Variants in PPP1R35 observed in about 807,000 individuals in gnomAD.
The protein encoded by PPP1R35 is UPF0683 protein C7orf47.
In PPP1R35, 23 loss-of-function variants were observed where a neutral mutation model predicts 22.2. The ratio of observed to expected loss-of-function variants is 1.04; its 90% CI spans 0.75 to 1.47. The LOEUF (loss-of-function observed/expected upper bound fraction) is 1.47, where lower values mean the gene tolerates loss of function less well. Ranked by LOEUF, PPP1R35 falls within the 40% of genes most tolerant of loss-of-function variation. The probability of loss-of-function intolerance (pLI) is 0.00; values close to 1 mark genes in which losing one functional copy is unlikely to be tolerated. For synonymous variants in PPP1R35, 198 were observed against 165.7 expected (o/e 1.19, Z -1.50); for missense variants, 409 against 349.6 (o/e 1.17, Z -1.36).
At position 100,435,362 on chromosome 7, in the gene PPP1R35, A is replaced by C. The variant is rs1798839768; in HGVS notation, c.760T>G (p.Ter254GluextTer20). The C allele has an allele frequency of 6.3e-7, 1 of 1,594,982 alleles. No individual in the cohort carries two copies. Among genetic ancestry groups the C allele is most frequent in the African/African-American group, 1.4e-5 (1 of 73,538 alleles). Residue 254 changes from the stop codon to glutamate (E), a stop_lost, in exon 4 of 4, where the codon TAG becomes GAG. Coordinates refer to ENST00000292330, the MANE Select transcript of PPP1R35 (RefSeq NM_145030.4). ...AGCCCTCCAGGGATCTTTGGGGTCT[A>C]CGCTTCCCATCGCCTCAGTGTCCGG... ...MHRTLRRWEA[*>E]
chr7:100,435,919 G>C lies in PPP1R35; in HGVS notation c.380C>G (p.Ala127Gly), dbSNP rs371390877. ...RAAAGSHFDA[A>G]KAVEEQLRKS... The stretch of plus-strand genomic sequence containing the variant: ...TCTCAGCTGTTCCTCCACGGCCTTC[G>C]CAGCATCAAAGTGGCTCCCGGCTGC... Residue 127 changes from alanine to glycine, a missense_variant, in exon 2 of 4, where the codon GCG becomes GGG. Transcript: ENST00000292330. 106 of 1,601,180 alleles carry C rather than the reference G, an allele frequency of 6.6e-5. 4 individuals are homozygous for C. The South Asian group carries it at 9.3e-4, about 14-fold the overall frequency.
intron 3 of PPP1R35, 39 bp downstream of exon 3, chr7:100,435,592 G>T (rs1798850481): frequency 6.2e-7 from 1 of 1,614,082 alleles, no homozygotes; most frequent in Non-Finnish European, 8.5e-7. Context: ...TCCGGGTAAG[G>T]GGGTACATGG....
Position 100,436,001 on chromosome 7 carries a change from CCTGCGGCA to C in PPP1R35, c.290_297del (p.Val97GlyfsTer26). On this transcript the variant is annotated frameshift_variant, in exon 2 of 4. Coordinates refer to ENST00000292330, the MANE Select transcript of PPP1R35 (RefSeq NM_145030.4). LOFTEE classifies it high-confidence loss of function. ...CTCTTCAGCACGGGCATCTCCAGCT[CCTGCGGCA>C]CCGCAGGCTGCGGCTCGGACCGCAC... 9.6e-6 allele frequency: 15 copies of C among 1,556,704 alleles called. No individual in the cohort carries two copies. Among genetic ancestry groups the C allele is most frequent in the Non-Finnish European group, 1.3e-5 (15 of 1,157,422 alleles).
At position 100,436,385 on chromosome 7, in the gene PPP1R35, G is replaced by A. The variant is rs1490878098; in HGVS notation, c.-11C>T. On this transcript the variant is annotated 5_prime_UTR_variant, in exon 1 of 4. Coordinates refer to ENST00000292330, the MANE Select transcript of PPP1R35 (RefSeq NM_145030.4). Reference sequence around the variant, plus strand: ...ACAACCCATCATCATCTTTGGAGGTGCCTTGAGGGTGCGGGGATGCGGGGG... The same window carrying A: ...ACAACCCATCATCATCTTTGGAGGTACCTTGAGGGTGCGGGGATGCGGGGG... 6.7e-7 allele frequency: 1 copy of A among 1,496,424 alleles called. No homozygotes were observed. 92.7% of individuals were successfully genotyped at this position (1,496,424 alleles called of 1,614,324 possible).
At position 100,436,418 on chromosome 7, in the gene PPP1R35, C is replaced by T; in HGVS notation, c.-44G>A. The T allele has an allele frequency of 7.1e-7, 1 of 1,410,920 alleles. No homozygotes were observed. Among genetic ancestry groups the T allele is most frequent in the Non-Finnish European group, 9.5e-7 (1 of 1,053,788 alleles). 87.4% of individuals were successfully genotyped at this position (1,410,920 alleles called of 1,614,324 possible). A position where few individuals can be genotyped will look rare whatever the true frequency, so the allele number is the denominator to read the frequency against. ...GGTGCGGGGATGCGGGGGTCGCAGACGCTCCAACGGTCAGGGGACACAGCC... is the reference window on the plus strand; with the variant it reads ...GGTGCGGGGATGCGGGGGTCGCAGATGCTCCAACGGTCAGGGGACACAGCC... On this transcript the variant is annotated 5_prime_UTR_variant, in exon 1 of 4. Transcript: ENST00000292330.
rs762390097 is a variant in PPP1R35 at position 100,435,897 on chromosome 7, C to T, written c.402G>A (p.Leu134=). The T allele has an allele frequency of 6.2e-6, 10 of 1,601,320 alleles. No homozygotes were observed. The highest frequency in any genetic ancestry group is 1.1e-5 in the South Asian group (1 of 90,210). ...FDAAKAVEEQ[L]RKSFQIRCGL... The stretch of plus-strand genomic sequence containing the variant: ...CGCAGCGGATCTGGAACGACTTTCT[C>T]AGCTGTTCCTCCACGGCCTTCGCAG... Residue 134 remains leucine (L), a synonymous_variant, in exon 2 of 4, where the codon CTG becomes CTA. Coordinates refer to ENST00000292330, the MANE Select transcript of PPP1R35 (RefSeq NM_145030.4).
In PPP1R35 at chr7:100,436,176, CCCGCCCCTTCCGCCGCCCGG is replaced by C; in HGVS notation, c.179_198del (p.Pro60ArgfsTer59). 1 of 1,234,714 alleles carries C rather than the reference CCCGCCCCTTCCGCCGCCCGG, an allele frequency of 8.1e-7. No individual in the cohort carries two copies. The highest frequency in any genetic ancestry group is 1.0e-6 in the Non-Finnish European group (1 of 992,194). The allele number at this position is 1,234,714 out of a possible 1,614,324, so 76.5% of individuals were successfully genotyped here. A position where few individuals can be genotyped will look rare whatever the true frequency, so the allele number is the denominator to read the frequency against. Reference sequence around the variant, plus strand: ...TGCCGAGCCGCGCCCCGCCGCTCCGCCCGCCCCTTCCGCCGCCCGGGGCTGCCGTGCCGCGGCTGAGGGCT... The same window carrying C: ...TGCCGAGCCGCGCCCCGCCGCTCCGCGGCTGCCGTGCCGCGGCTGAGGGCT... On this transcript the variant is annotated frameshift_variant, in exon 1 of 4. Transcript: ENST00000292330. LOFTEE classifies it high-confidence loss of function.
At position 100,436,228 on chromosome 7, in the gene PPP1R35, C is replaced by T. The variant is rs760604743; in HGVS notation, c.147G>A (p.Arg49=). Residue 49 remains arginine (R), a synonymous_variant, in exon 1 of 4, where the codon CGG becomes CGA. Transcript: ENST00000292330. ...CGTGCCGCGGCTGAGGGCTGTCGGG[C>T]CGCGGGCTCAGGCTCAAGTCCAGGC... ...EPGLDLSLSP[R]PDSPQPRHGS... 58 of 1,274,740 alleles carry T rather than the reference C, an allele frequency of 4.5e-5. No individual in the cohort carries two copies. The highest frequency in any genetic ancestry group is 1.2e-4 in the African/African-American group (8 of 65,716). The allele number at this position is 1,274,740 out of a possible 1,614,324, so 79.0% of individuals were successfully genotyped here.
chr7:100,436,598 C>T (rs1798903607), upstream of PPP1R35: 1 of 397,472 alleles, frequency 2.5e-6, no homozygotes, highest in Non-Finnish European at 4.5e-6. Flanking sequence ...GGCAGGCTTC[C>T]GCACTCACAG....
rs1584330242 is a variant in PPP1R35 at position 100,435,466 on chromosome 7, G to C, written c.656C>G (p.Pro219Arg). 11 of 1,613,964 alleles carry C rather than the reference G, an allele frequency of 6.8e-6. No individual in the cohort carries two copies. Among genetic ancestry groups the C allele is most frequent in the Middle Eastern group, 1.7e-4 (1 of 6,056 alleles). The change falls in exon 4 of 4, where the codon CCA (proline) becomes CGA (arginine). Residue 219 changes from proline to arginine, a missense_variant. By Grantham distance (103) the Pro-to-Arg change is moderately radical (BLOSUM62 -2). Transcript: ENST00000292330. ...GGGCAGACCGTCCAGGGTCAGGTGT[G>C]GAGATTCATAAAATAGCGTTTCTGG... ...CDPETLFYES[P>R]HLTLDGLPPL...
Position 100,435,376 on chromosome 7 carries a change from C to T in PPP1R35, c.746G>A (p.Arg249Lys), listed in dbSNP as rs1798840437. 4 of 1,602,158 alleles carry T rather than the reference C, an allele frequency of 2.5e-6. No individual in the cohort carries two copies. Among genetic ancestry groups the T allele is most frequent in the South Asian group, 1.1e-5 (1 of 89,648 alleles). The change falls in exon 4 of 4, where the codon AGG (arginine) becomes AAG (lysine). Residue 249 changes from arginine to lysine, a missense_variant. By Grantham distance (26) the Arg-to-Lys change is conservative (BLOSUM62 2). Coordinates refer to ENST00000292330, the MANE Select transcript of PPP1R35 (RefSeq NM_145030.4). ...EDTFLMHRTLRRWEA is the reference protein window; with the variant it reads ...EDTFLMHRTLKRWEA ...CTTTGGGGTCTACGCTTCCCATCGC[C>T]TCAGTGTCCGGTGCATGAGGAAGGT...
Position 100,435,483 on chromosome 7 carries a change from C to T in PPP1R35, c.639G>A (p.Thr213=). 2 of 1,613,944 alleles carry T rather than the reference C, an allele frequency of 1.2e-6. No homozygotes were observed. Among genetic ancestry groups the T allele is most frequent in the East Asian group, 2.2e-5 (1 of 44,882 alleles). Residue 213 remains threonine (T), a synonymous_variant, in exon 4 of 4, where the codon ACG becomes ACA. Coordinates refer to ENST00000292330, the MANE Select transcript of PPP1R35 (RefSeq NM_145030.4). The part of the protein sequence containing the change: ...PDMTILCDPE[T]LFYESPHLTL... ...TCAGGTGTGGAGATTCATAAAATAG[C>T]GTTTCTGGGTCACACAAGATGGTCA...
At chr7:100,435,823 G>T (rs764899888) in intron 2 of PPP1R35, 25 bp downstream of exon 2, 2 of 1,575,090 alleles carry the variant, frequency 1.3e-6, no homozygotes. Context: ...ACTCCCGCAC[G>T]CGGCCGGCCG....
In PPP1R35 at chr7:100,435,366, T is replaced by G. The variant is rs1489871470; in HGVS notation, c.756A>C (p.Glu252Asp). The change falls in exon 4 of 4, where the codon GAA becomes GAC. Residue 252 changes from glutamate (E) to aspartate (D), a missense_variant. Coordinates refer to ENST00000292330, the MANE Select transcript of PPP1R35 (RefSeq NM_145030.4). ...FLMHRTLRRW[E>D]A is the part of the protein sequence containing the mutation. The stretch of plus-strand genomic sequence containing the variant: ...CTCCAGGGATCTTTGGGGTCTACGC[T>G]TCCCATCGCCTCAGTGTCCGGTGCA... 6.3e-7 allele frequency: 1 copy of G among 1,596,688 alleles called. No individual in the cohort carries two copies. Among genetic ancestry groups the G allele is most frequent in the Non-Finnish European group, 8.5e-7 (1 of 1,174,308 alleles).
Position 100,436,466 on chromosome 7 carries a change from GC to G in PPP1R35, c.-93del. On this transcript the variant is annotated 5_prime_UTR_variant, in exon 1 of 4. Transcript: ENST00000292330. ...GCCTGGCTGCCGCCTCCTTTCCCCC[GC>G]CCCTCCTAGACGCCGCTACCGGAAA... is the stretch of plus-strand genomic sequence containing the variant. 1 of 944,568 alleles carries G rather than the reference GC, an allele frequency of 1.1e-6. No individual in the cohort carries two copies. 58.5% of individuals were successfully genotyped at this position (944,568 alleles called of 1,614,324 possible). A position where few individuals can be genotyped will look rare whatever the true frequency, so the allele number is the denominator to read the frequency against.
chr7:100,435,961 C>G lies in PPP1R35; in HGVS notation c.338G>C (p.Gly113Ala). 1 of 1,585,162 alleles carries G rather than the reference C, an allele frequency of 6.3e-7. No homozygotes were observed. The highest frequency in any genetic ancestry group is 1.3e-5 in the African/African-American group (1 of 74,672). Reference protein sequence around the residue: ...MPVLKSSLALGLELRAAAGSH... With the variant: ...MPVLKSSLALALELRAAAGSH... ...CCCGGCTGCGGCCCGCAGCTCCAGG[C>G]CCAAGGCCAGGCTGCTCTTCAGCAC... Residue 113 changes from glycine to alanine, a missense_variant, in exon 2 of 4, where the codon GGC (glycine) becomes GCC (alanine). Gly to Ala is a moderately conservative substitution (Grantham distance 60). Coordinates refer to ENST00000292330, the MANE Select transcript of PPP1R35 (RefSeq NM_145030.4).
In PPP1R35 at chr7:100,435,421, C is replaced by A. The variant is rs776564790; in HGVS notation, c.701G>T (p.Arg234Leu). ...GAAGGTGTCCTCTGAAGGGCGGGGC[C>A]GGAGTTGAAGTCGGAGAGGGGGCAG... is the stretch of plus-strand genomic sequence containing the variant. ...DGLPPLRLQL[R>L]PRPSEDTFLM... The change falls in exon 4 of 4, where the codon CGG (arginine) becomes CTG (leucine). Residue 234 changes from arginine (R) to leucine (L), a missense_variant. Coordinates refer to ENST00000292330, the MANE Select transcript of PPP1R35 (RefSeq NM_145030.4). 6.2e-7 allele frequency: 1 copy of A among 1,612,554 alleles called. No homozygotes were observed. The highest frequency in any genetic ancestry group is 2.2e-5 in the East Asian group (1 of 44,876).
upstream of PPP1R35, chr7:100,436,564 C>A: frequency 2.4e-6 from 1 of 413,186 alleles, no homozygotes. Context: ...GGCGTCATTT[C>A]CCTCGCTCCG....
chr7:100,436,535 C>A, upstream of PPP1R35: 1 of 440,114 alleles, frequency 2.3e-6, no homozygotes, highest in Non-Finnish European at 3.9e-6. Context: ...CAGCCCCACC[C>A]ACCCTGTTGT....
Sources: gnomAD v4.1 joint callset for allele counts on GRCh38, gnomAD v4.1.1 for gene constraint, MANE v1.5 for transcripts, NCBI Gene and HGNC (gene_info 2026-07-23, HGNC 2026-07-21) for gene names.